XPO7: variants seen among roughly 807,000 people sequenced by gnomAD.
The protein encoded by XPO7 is exportin-7.
Under a neutral mutation model 144.3 loss-of-function variants are expected in XPO7, and 21 were observed. That is an observed-to-expected ratio of 0.15 (90% confidence interval 0.10 to 0.21). XPO7 has a LOEUF of 0.21. Ranked by LOEUF, XPO7 falls within the 10% of genes least tolerant of loss-of-function variation. The pLI is 1.00. For missense variants in XPO7, 808 were observed against 1,325.8 expected (o/e 0.61, Z 6.06); for synonymous variants, 580 against 499.6 (o/e 1.16, Z -2.15).
At position 21,999,245 on chromosome 8, in the gene XPO7, G is replaced by C. The variant is rs1282199540; in HGVS notation, c.2583G>C (p.Leu861=). The change falls in exon 23 of 28, where the codon CTG becomes CTC. Residue 861 remains leucine, a synonymous_variant. Transcript: ENST00000252512. ...TTCGTCTCTATGGAGACGATGCCCTGGACAATGCTCTGCAGACCTTCATCA... is the reference window on the plus strand; with the variant it reads ...TTCGTCTCTATGGAGACGATGCCCTCGACAATGCTCTGCAGACCTTCATCA... ...GVFRLYGDDA[L]DNALQTFIKL... is the part of the protein sequence containing the mutation. 6.2e-7 allele frequency: 1 copy of C among 1,613,720 alleles called. No homozygotes were observed. The highest frequency in any genetic ancestry group is 1.1e-5 in the South Asian group (1 of 91,036).
chr8:21,985,547 T>G (rs1812549737), intron 12 of XPO7, 39 bp from the exon 13 acceptor site: 1 of 1,573,008 alleles, frequency 6.4e-7, no homozygotes, highest in South Asian at 1.1e-5. Context: ...TTCAAGAAAC[T>G]ATCACTGGAG....
Position 21,970,154 on chromosome 8 carries a change from G to T in XPO7, c.270G>T (p.Val90=). The change falls in exon 4 of 28, where the codon GTG becomes GTT. Residue 90 remains valine (V), a synonymous_variant. Transcript: ENST00000252512. ...GTTTTTTTTTAATAGGGAACTATGTGCTCAACTACCTTGCCACTCGGCCGA... is the reference window on the plus strand; with the variant it reads ...GTTTTTTTTTAATAGGGAACTATGTTCTCAACTACCTTGCCACTCGGCCGA... The part of the protein sequence containing the change: ...LEQRIDIRNY[V]LNYLATRPKL... 1 of 1,611,994 alleles carries T rather than the reference G, an allele frequency of 6.2e-7. No homozygotes were observed. The highest frequency in any genetic ancestry group is 1.1e-5 in the South Asian group (1 of 90,712).
chr8:21,995,825 T>G (rs1398906332), intron 21 of XPO7, among the ~76,000 whole-genome samples: 1 of 151,868 alleles, frequency 6.6e-6, no homozygotes, highest in Non-Finnish European at 1.5e-5. Context: ...TTGTTTGTCT[T>G]GTTTTTTTTG....
At chr8:21,959,141 A>G (rs1811638228) in intron 1 of XPO7, among the ~76,000 whole-genome samples, 1 of 152,200 alleles carries the variant, frequency 6.6e-6, no homozygotes, top group African/African-American at 2.4e-5. Flanking sequence ...TGAATTCACA[A>G]AACAGAATCT....
chr8:21,998,935 C>T, intron 22 of XPO7, 98 bp downstream of exon 22: 2 of 1,488,310 alleles, frequency 1.3e-6, no homozygotes, highest in South Asian at 1.2e-5. Flanking sequence ...TGGCAGGAGC[C>T]AGGACAGCAT....
intron 1 of XPO7, 120 bp from the exon 2 acceptor site, chr8:21,966,737 C>G: frequency 7.3e-7 from 1 of 1,378,808 alleles, no homozygotes; most frequent in Non-Finnish European, 9.6e-7. Context: ...AGGTTCTCCT[C>G]AGTTCAGAAG....
In XPO7 at chr8:21,990,453, A is replaced by G. The variant is rs1175128813; in HGVS notation, c.1932+46A>G. 3.1e-6 allele frequency: 5 copies of G among 1,600,804 alleles called. No individual in the cohort carries two copies. The African/African-American group carries it at 4.0e-5, about 13-fold the overall frequency. ...TTCCTGGCCCTCCTACCACCCACAC[A>G]TACACTTTCTCGACACATAAAGGAG... On this transcript the variant is annotated intron_variant, in intron 17 of 27. Transcript: ENST00000252512.
chr8:21,957,120 A>G (rs1374772106), intron 1 of XPO7, among the ~76,000 whole-genome samples: 1 of 151,522 alleles, frequency 6.6e-6, no homozygotes, highest in African/African-American at 2.4e-5. Context: ...AAAATCTTCC[A>G]AACTCCTGCC....
chr8:21,922,751 T>G (rs1810330416), intron 1 of XPO7, among the ~76,000 whole-genome samples: 1 of 152,196 alleles, frequency 6.6e-6, no homozygotes, highest in Non-Finnish European at 1.5e-5. Context: ...TGAATTATAT[T>G]AGTTTTACCA....
chr8:22,004,163 G>C (rs941366230), intron 27 of XPO7, 133 bp downstream of exon 27: 3 of 1,160,476 alleles, frequency 2.6e-6, no homozygotes, highest in Non-Finnish European at 3.6e-6. Flanking sequence ...CAATAGAAAA[G>C]TGAGCCATGT....
chr8:21,930,936 G>T (rs1054151265), intron 1 of XPO7, among the ~76,000 whole-genome samples: 2 of 152,172 alleles, frequency 1.3e-5, no homozygotes, highest in Admixed American at 1.3e-4. Context: ...TGCCTTCTGG[G>T]TTCAAGCAAT....
intron 1 of XPO7, among the ~76,000 whole-genome samples, chr8:21,924,635 G>C (rs1487888626): frequency 1.3e-5 from 2 of 152,056 alleles, no homozygotes; most frequent in Non-Finnish European, 2.9e-5. Flanking sequence ...CTCTCTGGTG[G>C]GGGTGGGGAG....
chr8:21,981,976 G>A, intron 10 of XPO7, 99 bp downstream of exon 10: 1 of 1,497,012 alleles, frequency 6.7e-7, no homozygotes, highest in Non-Finnish European at 9.1e-7. Context: ...CTTGGCAAAG[G>A]TAACCATAAG....
intron 11 of XPO7, 54 bp from the exon 12 acceptor site, chr8:21,984,592 C>T (rs1349517123): frequency 6.7e-7 from 1 of 1,490,868 alleles, no homozygotes; most frequent in African/African-American, 1.4e-5. Context: ...CTATATTGGG[C>T]AAATCAGTAG....
At chr8:21,963,694 CA>C (rs5890015) in intron 1 of XPO7, among the ~76,000 whole-genome samples, 52,672 of 131,040 alleles carry the variant, frequency 0.4, 9,472 homozygotes, top group East Asian at 0.49. Context: ...GACTCCGTCT[CA>C]AAAAAAAAAA....
At position 21,925,169 on chromosome 8, in the gene XPO7, A is replaced by G. The variant is rs116519833; in HGVS notation, c.18+5381A>G. Reference sequence around the variant, plus strand: ...GTGACTCATTACTAGGAAATTCTCAATGGAATGGGATTGGTACCCAGGAGG... The same window carrying G: ...GTGACTCATTACTAGGAAATTCTCAGTGGAATGGGATTGGTACCCAGGAGG... On this transcript the variant is annotated intron_variant, in intron 1 of 27. Coordinates refer to ENST00000252512, the MANE Select transcript of XPO7 (RefSeq NM_015024.5). Among the ~76,000 whole-genome samples, 923 of 152,350 alleles carry G rather than the reference A, an allele frequency of 6.1e-3. 12 individuals carry two copies. Among genetic ancestry groups the G allele is most frequent in the African/African-American group, 0.021 (863 of 41,570 alleles).
chr8:22,004,555 G>A (rs939882436), intron 27 of XPO7, among the ~76,000 whole-genome samples: 2 of 151,946 alleles, frequency 1.3e-5, no homozygotes, highest in Non-Finnish European at 2.9e-5. Flanking sequence ...ATGCAGTTGG[G>A]GAGCTGAATG....
chr8:22,003,387 T>C, intron 26 of XPO7, 70 bp downstream of exon 26: 1 of 1,236,118 alleles, frequency 8.1e-7, no homozygotes, highest in Non-Finnish European at 1.1e-6. Context: ...CACCAAGCCC[T>C]GGGAGAAATG....
Position 21,980,177 on chromosome 8 carries a change from G to A in XPO7, c.931G>A (p.Val311Ile), listed in dbSNP as rs1812358025. 2.5e-6 allele frequency: 4 copies of A among 1,599,660 alleles called. No individual in the cohort carries two copies. The highest frequency in any genetic ancestry group is 3.4e-6 in the Non-Finnish European group (4 of 1,172,240). Residue 311 changes from valine to isoleucine, a missense_variant, in exon 9 of 28, where the codon GTT becomes ATT. By Grantham distance (29) the Val-to-Ile change is conservative (BLOSUM62 3). This residue lies in a region of XPO7 where 223 missense variants were observed against 368.8 expected (regional missense o/e 0.60). Transcript: ENST00000252512. The stretch of plus-strand genomic sequence containing the variant: ...GTTTCTCTCTCATCTTGTTGATGGT[G>A]TTAAACGAATACTGGAAAACCCACA... ...AKFLSHLVDGVKRILENPQSL... is the reference protein window; with the variant it reads ...AKFLSHLVDGIKRILENPQSL...
Sources: allele counts gnomAD v4.1 joint callset (sites outside exome capture counted in the v4.1 genomes callset), GRCh38; gene constraint gnomAD v4.1.1; regional missense constraint gnomAD v4.1.1; transcripts MANE v1.5; gene names NCBI Gene and HGNC (gene_info 2026-07-23, HGNC 2026-07-21).